PCNX1: variants seen among roughly 807,000 people sequenced by gnomAD.
PCNX1 encodes the protein pecanex-like protein 1.
A neutral mutation model predicts 242.2 loss-of-function variants in PCNX1; 78 were observed. The observed-to-expected ratio is 0.32, with a 90% CI of 0.27 to 0.39. The LOEUF is 0.39. Ranked by LOEUF, PCNX1 falls within the 10% of genes least tolerant of loss-of-function variation. The pLI is 1.00. For synonymous variants in PCNX1, 1,024 were observed against 1,032.9 expected (o/e 0.99, Z 0.17); for missense variants, 2,581 against 2,856.5 (o/e 0.90, Z 2.20).
Position 71,073,700 on chromosome 14 carries a change from A to G in PCNX1, c.5008A>G (p.Lys1670Glu). 5.6e-6 allele frequency: 9 copies of G among 1,614,052 alleles called. No homozygotes were observed. Among genetic ancestry groups the G allele is most frequent in the Non-Finnish European group, 6.8e-6 (8 of 1,179,952 alleles). ...GCTAGCTTGGGAAGTGATAGTCACA[A>G]AGTACATTCTGGAGGGTTATAGCAT... ...RWLAWEVIVTKYILEGYSITD... is the reference protein window; with the variant it reads ...RWLAWEVIVTEYILEGYSITD... The change falls in exon 27 of 36, where the codon AAG becomes GAG. Residue 1670 changes from lysine to glutamate, a missense_variant. Physicochemically the swap from Lys to Glu is moderately conservative, Grantham distance 56. Coordinates refer to ENST00000304743, the MANE Select transcript of PCNX1 (RefSeq NM_014982.3).
chr14:70,957,681 A>G (rs1004192710), intron 2 of PCNX1, among the ~76,000 whole-genome samples: 1 of 152,192 alleles, frequency 6.6e-6, no homozygotes, highest in African/African-American at 2.4e-5. Context: ...AAAGTGGTCT[A>G]AAATTGGCTT....
chr14:70,956,084 C>T (rs142236398), intron 2 of PCNX1, among the ~76,000 whole-genome samples: 2 of 152,136 alleles, frequency 1.3e-5, no homozygotes, highest in South Asian at 2.1e-4. Context: ...TGGGTAAAGG[C>T]CAGAGATGCT....
intron 1 of PCNX1, among the ~76,000 whole-genome samples, chr14:70,938,037 C>T (rs1237618515): frequency 2.0e-5 from 3 of 152,164 alleles, no homozygotes; most frequent in South Asian, 2.1e-4. Flanking sequence ...TGGGCTCAGA[C>T]GATAGGGTTT....
chr14:70,934,268 T>A (rs2056914377), intron 1 of PCNX1, among the ~76,000 whole-genome samples: 1 of 152,206 alleles, frequency 6.6e-6, no homozygotes, highest in Non-Finnish European at 1.5e-5. Flanking sequence ...GTGTTAAGGA[T>A]AAGCTGTCAG....
chr14:71,106,154 C>A (rs542310646), intron 33 of PCNX1, among the ~76,000 whole-genome samples: 1 of 151,842 alleles, frequency 6.6e-6, no homozygotes, highest in Admixed American at 6.6e-5. Context: ...GCTGGGACTA[C>A]AGGTGCATGC....
chr14:71,039,213 A>G (rs1363362218), intron 19 of PCNX1, among the ~76,000 whole-genome samples: 1 of 151,992 alleles, frequency 6.6e-6, no homozygotes, highest in Non-Finnish European at 1.5e-5. Context: ...CCTAAAACTT[A>G]AAGTATAATT....
At chr14:70,968,374 T>G in intron 4 of PCNX1, 131 bp downstream of exon 4, 2 of 570,382 alleles carry the variant, frequency 3.5e-6, no homozygotes, top group Non-Finnish European at 6.0e-6. Context: ...GATAAAATTA[T>G]TTATCTTATT....
intron 8 of PCNX1, among the ~76,000 whole-genome samples, chr14:71,005,156 A>T (rs193063457): frequency 1.1e-4 from 17 of 152,310 alleles, no homozygotes; most frequent in Non-Finnish European, 2.9e-5. Context: ...TTGTTCTAGT[A>T]ACCACCTCCT....
intron 1 of PCNX1, among the ~76,000 whole-genome samples, chr14:70,909,151 G>A (rs1362886634): frequency 1.3e-5 from 2 of 152,164 alleles, no homozygotes; most frequent in South Asian, 2.1e-4. Context: ...TTCCCTAAGT[G>A]AAGTTCAGTT....
chr14:71,082,511 G>A (rs1002242429), intron 28 of PCNX1, among the ~76,000 whole-genome samples: 1 of 152,054 alleles, frequency 6.6e-6, no homozygotes, highest in Non-Finnish European at 1.5e-5. Flanking sequence ...AGGTCTCTAA[G>A]GACTTGCTTC....
chr14:70,948,586 CATAT>C (rs971851088), intron 2 of PCNX1, among the ~76,000 whole-genome samples: 2 of 141,826 alleles, frequency 1.4e-5, no homozygotes, highest in African/African-American at 5.0e-5. Flanking sequence ...TACACATATG[CATAT>C]ATAGATATGT....
intron 19 of PCNX1, among the ~76,000 whole-genome samples, chr14:71,037,683 C>T (rs977690865): frequency 5.9e-5 from 9 of 151,858 alleles, no homozygotes; most frequent in African/African-American, 1.4e-4. Flanking sequence ...CTGCTGGATT[C>T]GGTTTGCCAG....
intron 30 of PCNX1, among the ~76,000 whole-genome samples, chr14:71,098,145 A>G (rs920945474): frequency 6.6e-6 from 1 of 152,086 alleles, no homozygotes; most frequent in African/African-American, 2.4e-5. Context: ...ATTGGTCTGT[A>G]TGTCTGTCTT....
intron 6 of PCNX1, among the ~76,000 whole-genome samples, chr14:70,978,938 A>G (rs1198725744): frequency 6.6e-6 from 1 of 152,190 alleles, no homozygotes; most frequent in Non-Finnish European, 1.5e-5. Context: ...TGCTGGGAAT[A>G]ACAAAAATTA....
At chr14:70,929,712 A>G (rs2056720209) in intron 1 of PCNX1, among the ~76,000 whole-genome samples, 1 of 152,232 alleles carries the variant, frequency 6.6e-6, no homozygotes, top group Non-Finnish European at 1.5e-5. Flanking sequence ...AGCATCATAC[A>G]GAAAGTGTTA....
rs2062824000 is a variant in PCNX1 at position 71,114,857 on chromosome 14, C to T, written c.*4922C>T. On this transcript the variant is annotated 3_prime_UTR_variant, in exon 36 of 36. Coordinates refer to ENST00000304743, the MANE Select transcript of PCNX1 (RefSeq NM_014982.3). ...AGTGATAGAGCATAAGATGGCTGCT[C>T]CAGATGACTCTTGGGTTTAGTGTAC... 2 of 141,414 alleles carry T rather than the reference C, an allele frequency of 1.4e-5. No individual in the cohort carries two copies. Among genetic ancestry groups the T allele is most frequent in the African/African-American group, 5.3e-5 (2 of 38,062 alleles). 8.8% of individuals were successfully genotyped at this position (141,414 alleles called of 1,614,324 possible).
At chr14:71,095,098 C>T (rs979394764) in intron 30 of PCNX1, among the ~76,000 whole-genome samples, 35 of 120,230 alleles carry the variant, frequency 2.9e-4, no homozygotes, top group Non-Finnish European at 1.2e-4. Context: ...AAGCAAATTG[C>T]TTTTTTCATC....
chr14:70,952,929 A>G (rs1390307689), intron 2 of PCNX1, among the ~76,000 whole-genome samples: 1 of 152,056 alleles, frequency 6.6e-6, no homozygotes, highest in Non-Finnish European at 1.5e-5. Flanking sequence ...ATATTGGTAA[A>G]CCTTAAAAAT....
chr14:70,964,642 A>T (rs2058324097), intron 3 of PCNX1, among the ~76,000 whole-genome samples: 1 of 152,166 alleles, frequency 6.6e-6, no homozygotes, highest in African/African-American at 2.4e-5. Context: ...ACAAAAAGGA[A>T]AGATGAAAGG....
Sources: gnomAD v4.1 joint callset for allele counts (sites outside exome capture counted in the v4.1 genomes callset) on GRCh38, gnomAD v4.1.1 for gene constraint, MANE v1.5 for transcripts, NCBI Gene and HGNC (gene_info 2026-07-23, HGNC 2026-07-21) for gene names.